Variants in CSMD3 observed in about 807,000 individuals in gnomAD.
The protein encoded by CSMD3 is CUB and Sushi multiple domains 3, also known as CUB and sushi domain-containing protein 3.
A neutral mutation model predicts 435.2 loss-of-function variants in CSMD3; 177 were observed. That is an observed-to-expected ratio of 0.41 (90% confidence interval 0.36 to 0.46). CSMD3 has a LOEUF of 0.46. Among genes scored for constraint, CSMD3 ranks in the 20% least tolerant of loss-of-function variants. The pLI, the probability that CSMD3 is intolerant of heterozygous loss-of-function variation, is 0.34. For missense variants in CSMD3, 4,265 were observed against 4,504.6 expected, an observed-to-expected ratio of 0.95 and a Z score of 1.52; for synonymous variants, 1,656 against 1,520.5, an observed-to-expected ratio of 1.09 and a Z score of -2.07.
At chr8:113,384,287 G>T (rs1464987179) in intron 1 of CSMD3, among the ~76,000 whole-genome samples, 1 of 152,228 alleles carries the variant, frequency 6.6e-6, no homozygotes, top group African/African-American at 2.4e-5. Flanking sequence ...CATTTGGAGG[G>T]CACTCAAAAT....
rs2129721267 is a variant in CSMD3, at chr8:112,390,684, G to T, written c.5914C>A (p.Pro1972Thr). The T allele has an allele frequency of 1.2e-6, 2 of 1,613,140 alleles. No homozygotes were observed. Among genetic ancestry groups the T allele is most frequent in the Non-Finnish European group, 1.7e-6 (2 of 1,179,172 alleles). The change falls in exon 36 of 71, where the codon CCA becomes ACA. Residue 1972 changes from proline to threonine, a missense_variant. Pro to Thr is a conservative substitution (Grantham distance 38). This residue lies in a region of CSMD3 where 3,255 missense variants were observed against 3,380.2 expected (regional missense o/e 0.96). Transcript: ENST00000297405. Reference protein sequence around the residue: ...NLNCVWKITVPEGAGIQVQVV... With the variant: ...NLNCVWKITVTEGAGIQVQVV... ...CTTACTTGAATGCCAGCTCCCTCTGGCACTGTGATCTTCCACACACAATTC... is the reference window on the plus strand; with the variant it reads ...CTTACTTGAATGCCAGCTCCCTCTGTCACTGTGATCTTCCACACACAATTC...
intron 22 of CSMD3, among the ~76,000 whole-genome samples, chr8:112,596,212 A>G (rs1831701206): frequency 6.6e-6 from 1 of 151,874 alleles, no homozygotes; most frequent in Admixed American, 6.6e-5. Flanking sequence ...CAGGGGTTGC[A>G]ATCCTAGTCT....
chr8:112,459,277 T>A (rs1817186515), intron 32 of CSMD3, among the ~76,000 whole-genome samples: 1 of 151,268 alleles, frequency 6.6e-6, no homozygotes, highest in Non-Finnish European at 1.5e-5. Context: ...TTTCTCATTA[T>A]ACTTTGGGTT....
At chr8:112,856,216 G>A (rs2080654403) in intron 11 of CSMD3, among the ~76,000 whole-genome samples, 1 of 151,912 alleles carries the variant, frequency 6.6e-6, no homozygotes, top group Non-Finnish European at 1.5e-5. Context: ...AGAAGCTTGT[G>A]GAAGGGGCAT....
intron 2 of CSMD3, among the ~76,000 whole-genome samples, chr8:113,287,695 T>C (rs1354320357): frequency 3.3e-5 from 5 of 152,006 alleles, no homozygotes; most frequent in African/African-American, 1.2e-4. Context: ...TAAAAGTTGA[T>C]GTCATGGCAG....
At chr8:113,128,225 A>G (rs1057279111) in intron 4 of CSMD3, among the ~76,000 whole-genome samples, 2 of 152,096 alleles carry the variant, frequency 1.3e-5, no homozygotes, top group African/African-American at 4.8e-5. Flanking sequence ...TGTTCTTAAC[A>G]AAGTGCTAAA....
At chr8:113,076,964 C>A (rs531903159) in intron 5 of CSMD3, among the ~76,000 whole-genome samples, 1 of 152,012 alleles carries the variant, frequency 6.6e-6, no homozygotes, top group South Asian at 2.1e-4. Context: ...GAGAAGGTTG[C>A]CAGGTATTAG....
At chr8:112,759,961 T>C (rs2077797169) in intron 13 of CSMD3, among the ~76,000 whole-genome samples, 1 of 152,152 alleles carries the variant, frequency 6.6e-6, no homozygotes, top group African/African-American at 2.4e-5. Flanking sequence ...TTATGAATCA[T>C]ATATTCCAGG....
intron 5 of CSMD3, among the ~76,000 whole-genome samples, chr8:113,037,923 C>A (rs544177597): frequency 6.6e-6 from 1 of 152,112 alleles, no homozygotes; most frequent in East Asian, 1.9e-4. Context: ...GAAAAGGAAT[C>A]AAAATGGAAT....
At chr8:113,346,543 T>TA (rs2094152624) in intron 1 of CSMD3, among the ~76,000 whole-genome samples, 1 of 152,130 alleles carries the variant, frequency 6.6e-6, no homozygotes, top group African/African-American at 2.4e-5. Context: ...TGGAACTTTG[T>TA]ATATGTAACC....
rs1255084679 is a variant in CSMD3, at chr8:112,281,389, C to A, written c.9332-39G>T. 2.6e-6 allele frequency: 4 copies of A among 1,549,180 alleles called. No individual in the cohort carries two copies. In the East Asian group the frequency reaches 6.8e-5, roughly 26 times the overall value. ...TGTTTAAGAGTATATATAAAAAATG[C>A]AATCAGAAATTCTTCCCAAAAAAGT... On this transcript the variant is annotated intron_variant, in intron 58 of 70. Coordinates refer to ENST00000297405, the MANE Select transcript of CSMD3 (RefSeq NM_198123.2).
At chr8:113,141,903 A>G (rs1383618938) in intron 4 of CSMD3, among the ~76,000 whole-genome samples, 1 of 151,040 alleles carries the variant, frequency 6.6e-6, no homozygotes, top group Non-Finnish European at 1.5e-5. Context: ...TCTACAACAA[A>G]ACTCCTAGTA....
intron 31 of CSMD3, among the ~76,000 whole-genome samples, chr8:112,485,185 C>T (rs974039375): frequency 5.3e-5 from 8 of 152,194 alleles, no homozygotes; most frequent in African/African-American, 1.9e-4. Flanking sequence ...TTTCCCCTAT[C>T]GTATGAAAAC....
At chr8:112,281,397 A>C (rs1461339353) in intron 58 of CSMD3, 47 bp from the exon 59 acceptor site, 2 of 1,491,718 alleles carry the variant, frequency 1.3e-6, no homozygotes, top group Non-Finnish European at 1.9e-6. Flanking sequence ...TGCAATCAGA[A>C]ATTCTTCCCA....
intron 31 of CSMD3, among the ~76,000 whole-genome samples, chr8:112,491,958 G>A (rs952819105): frequency 6.6e-6 from 1 of 152,082 alleles, no homozygotes. Context: ...CTTATATAGA[G>A]AGAGTTATAT....
intron 3 of CSMD3, among the ~76,000 whole-genome samples, chr8:113,175,376 A>C (rs1168189922): frequency 6.6e-6 from 1 of 151,854 alleles, no homozygotes; most frequent in Non-Finnish European, 1.5e-5. Context: ...GTTTCTTAAA[A>C]CTAGAAAAGT....
chr8:112,703,133 G>A (rs2076425777), intron 13 of CSMD3, among the ~76,000 whole-genome samples: 1 of 152,092 alleles, frequency 6.6e-6, no homozygotes, highest in African/African-American at 2.4e-5. Context: ...TTTAATACAT[G>A]TTGCCTCCAC....
chr8:112,695,903 T>C (rs999736302), intron 13 of CSMD3, among the ~76,000 whole-genome samples: 3 of 152,130 alleles, frequency 2.0e-5, no homozygotes, highest in Non-Finnish European at 4.4e-5. Flanking sequence ...ACAAAACCAA[T>C]GTGCAAAAAT....
chr8:113,058,291 A>G (rs75767187), intron 5 of CSMD3, among the ~76,000 whole-genome samples: 349 of 152,048 alleles, frequency 2.3e-3, no homozygotes, highest in African/African-American at 8.0e-3. Context: ...AACATTAAGT[A>G]TTGTGGGTTG....
Sources: gnomAD v4.1 joint callset for allele counts (sites outside exome capture counted in the v4.1 genomes callset) on GRCh38, gnomAD v4.1.1 for gene constraint, gnomAD v4.1.1 regional missense constraint, MANE v1.5 for transcripts, NCBI Gene and HGNC (gene_info 2026-07-23, HGNC 2026-07-21) for gene names.